CDC42EP1: variants seen among roughly 807,000 people sequenced by gnomAD.
CDC42EP1 encodes CDC42 effector protein 1.
Under a neutral mutation model 7.4 loss-of-function variants are expected in CDC42EP1, and 6 were observed. The ratio of observed to expected loss-of-function variants is 0.81; its 90% CI spans 0.44 to 1.60. The LOEUF (loss-of-function observed/expected upper bound fraction) is 1.60. Ranked by LOEUF, CDC42EP1 falls within the 40% of genes most tolerant of loss-of-function variation. The probability of loss-of-function intolerance (pLI) is 0.01; values close to 1 mark genes in which losing one functional copy is unlikely to be tolerated. For missense variants in CDC42EP1, 567 were observed against 539.0 expected (o/e 1.05, Z -0.51); for synonymous variants, 238 against 227.1 (o/e 1.05, Z -0.43).
Position 37,566,748 on chromosome 22 carries a change from C to T in CDC42EP1, c.399C>T (p.Leu133=), listed in dbSNP as rs774081807. The change falls in exon 2 of 3, where the codon CTC becomes CTT. Residue 133 remains leucine (L), a synonymous_variant. Coordinates refer to ENST00000249014, the MANE Select transcript of CDC42EP1 (RefSeq NM_152243.3). This position sits in a 1 kb window ranked among gnomAD's most constrained non-coding sequence, Gnocchi z 6.4. ...TCAACCAGGCCGCCTACGACAGCCT[C>T]GTGGTTGGCAAGCTCAGCTTCGACA... ...PQLNQAAYDS[L]VVGKLSFDSS... The T allele has an allele frequency of 4.4e-6, 7 of 1,605,170 alleles. No homozygotes were observed. The highest frequency in any genetic ancestry group is 2.7e-5 in the African/African-American group (2 of 74,734).
Position 37,566,950 on chromosome 22 carries a change from AG to A in CDC42EP1, c.463+143del, listed in dbSNP as rs1925271294. The A allele has an allele frequency of 1.1e-5, 6 of 568,342 alleles. No individual in the cohort carries two copies. The South Asian group carries it at 1.4e-4, about 14-fold the overall frequency. The allele number at this position is 568,342 out of a possible 1,614,324, so 35.2% of individuals were successfully genotyped here. A position where few individuals can be genotyped will look rare whatever the true frequency, so the allele number is the denominator to read the frequency against. The stretch of plus-strand genomic sequence containing the variant: ...CCCAGACCCCACATCATGGATGGGG[AG>A]GGGGTGCAGTGGTGGGAACAAGCTG... On this transcript the variant is annotated intron_variant, in intron 2 of 2. Coordinates refer to ENST00000249014, the MANE Select transcript of CDC42EP1 (RefSeq NM_152243.3). This position sits in a 1 kb window ranked among gnomAD's most constrained non-coding sequence, Gnocchi z 6.4.
At position 37,568,356 on chromosome 22, in the gene CDC42EP1, C is replaced by T. The variant is rs372840111; in HGVS notation, c.712C>T (p.Pro238Ser). 1.7e-5 allele frequency: 27 copies of T among 1,567,328 alleles called. No individual in the cohort carries two copies. The highest frequency in any genetic ancestry group is 1.6e-4 in the East Asian group (7 of 43,508). Reference sequence around the variant, plus strand: ...AAACCCCCCAGCCCCTACTGCAAACCCCACGGGTCCTGCTGCAAACCCCCC... The same window carrying T: ...AAACCCCCCAGCCCCTACTGCAAACTCCACGGGTCCTGCTGCAAACCCCCC... ...AANPPAPTAN[P>S]TGPAANPPAT... is the part of the protein sequence containing the mutation. The change falls in exon 3 of 3, where the codon CCC becomes TCC. Residue 238 changes from proline (P) to serine (S), a missense_variant. Transcript: ENST00000249014.
Position 37,568,676 on chromosome 22 carries a change from G to A in CDC42EP1, c.1032G>A (p.Leu344=). The stretch of plus-strand genomic sequence containing the variant: ...CGCGGCAGGAGCGGGTGGAGGTGCT[G>A]CCCCAAGCCCGGGCCTCCTGGGAGA... ...MDARQERVEV[L]PQARASWESL... The change falls in exon 3 of 3, where the codon CTG becomes CTA. Residue 344 remains leucine, a synonymous_variant. Coordinates refer to ENST00000249014, the MANE Select transcript of CDC42EP1 (RefSeq NM_152243.3). 6.5e-7 allele frequency: 1 copy of A among 1,546,112 alleles called. No individual in the cohort carries two copies. The highest frequency in any genetic ancestry group is 8.7e-7 in the Non-Finnish European group (1 of 1,146,050).
rs1039724351 is a variant in CDC42EP1 at position 37,569,108 on chromosome 22, G to A, written c.*288G>A. On this transcript the variant is annotated 3_prime_UTR_variant, in exon 3 of 3. Transcript: ENST00000249014. ...CCACCCCCACCAGCTGGAGGACCCA[G>A]CCTCACAGTGTGTCCTTTGTGCCAG... 3.5e-6 allele frequency: 1 copy of A among 289,792 alleles called. No homozygotes were observed. The highest frequency in any genetic ancestry group is 2.2e-5 in the African/African-American group (1 of 46,104). The allele number at this position is 289,792 out of a possible 1,614,324, so 18.0% of individuals were successfully genotyped here. A position where few individuals can be genotyped will look rare whatever the true frequency, so the allele number is the denominator to read the frequency against.
At chr22:37,564,044 A>G (rs5995464) in intron 1 of CDC42EP1, among the ~76,000 whole-genome samples, 14,802 of 152,292 alleles carry the variant, frequency 0.097, 817 homozygotes, top group African/African-American at 0.14. Context: ...AAGCCAGTCA[A>G]GGGCTTATGT....
At chr22:37,564,226 G>C (rs777516911) in intron 1 of CDC42EP1, among the ~76,000 whole-genome samples, 1 of 152,076 alleles carries the variant, frequency 6.6e-6, no homozygotes, top group African/African-American at 2.4e-5. Flanking sequence ...AGAGAAGCTG[G>C]AGCAGGGGAG....
chr22:37,561,755 CA>C (rs1351191590), intron 1 of CDC42EP1, among the ~76,000 whole-genome samples: 1 of 152,212 alleles, frequency 6.6e-6, no homozygotes, highest in Non-Finnish European at 1.5e-5. Context: ...TGCACCCGAG[CA>C]GTGGCCTCCA....
intron 1 of CDC42EP1, among the ~76,000 whole-genome samples, 180 bp from the exon 2 acceptor site, chr22:37,565,892 T>C (rs1301713871): frequency 6.6e-6 from 1 of 152,106 alleles, no homozygotes; most frequent in Non-Finnish European, 1.5e-5. Flanking sequence ...GTTCTTGAAC[T>C]TTCTATACAC....
chr22:37,568,572 C>T lies in CDC42EP1; in HGVS notation c.928C>T (p.Arg310Ter), dbSNP rs752982114. The T allele has an allele frequency of 1.1e-5, 17 of 1,603,440 alleles. No individual in the cohort carries two copies. The South Asian group carries it at 1.1e-4, about 11-fold the overall frequency. ...GTCCAGCCCAGTGGGAGGGGGTCCC[C>T]GAGGACCTGCTGGCCCTGCCCTCGG... The part of the protein sequence containing the change: ...VKSSPVGGGP[R>*]GPAGPALGRH... Residue 310 changes from arginine (R) to a stop codon, truncating the protein, a stop_gained, in exon 3 of 3, where the codon CGA becomes TGA. Coordinates refer to ENST00000249014, the MANE Select transcript of CDC42EP1 (RefSeq NM_152243.3). LOFTEE classifies it low-confidence loss of function (END_TRUNC).
chr22:37,566,713 C>T lies in CDC42EP1; in HGVS notation c.364C>T (p.Leu122=), dbSNP rs1925260991. ...CCCCATCATCAAGAACGCCATCTCC[C>T]TGCCCCAGCTCAACCAGGCCGCCTA... ...ISPIIKNAIS[L]PQLNQAAYDS... is the part of the protein sequence containing the mutation. The change falls in exon 2 of 3, where the codon CTG becomes TTG. Residue 122 remains leucine (L), a synonymous_variant. Transcript: ENST00000249014. This position sits in a 1 kb window ranked among gnomAD's most constrained non-coding sequence, Gnocchi z 6.4. The T allele has an allele frequency of 1.9e-6, 3 of 1,612,750 alleles. No individual in the cohort carries two copies. Among genetic ancestry groups the T allele is most frequent in the East Asian group, 4.5e-5 (2 of 44,744 alleles).
chr22:37,561,038 C>A (rs1189924394), intron 1 of CDC42EP1, among the ~76,000 whole-genome samples: 2 of 152,218 alleles, frequency 1.3e-5, no homozygotes, highest in African/African-American at 4.8e-5. Flanking sequence ...CCCTGCCCCC[C>A]TCCCCGACCG....
rs1925394412 is a variant in CDC42EP1, at chr22:37,569,159, G to C, written c.*339G>C. ...ACCAAGCGGCCCGTGGGGGGTGGGG[G>C]GCAGGGAGTGTACCACACAGGGCCA... On this transcript the variant is annotated 3_prime_UTR_variant, in exon 3 of 3. Transcript: ENST00000249014. The C allele has an allele frequency of 4.9e-6, 1 of 203,434 alleles. No individual in the cohort carries two copies. Among genetic ancestry groups the C allele is most frequent in the Admixed American group, 6.0e-5 (1 of 16,714 alleles). The allele number at this position is 203,434 out of a possible 1,614,324, so 12.6% of individuals were successfully genotyped here.
At chr22:37,561,674 T>A (rs1479863159) in intron 1 of CDC42EP1, among the ~76,000 whole-genome samples, 6 of 148,538 alleles carry the variant, frequency 4.0e-5, no homozygotes, top group African/African-American at 1.5e-4. Flanking sequence ...GCCGTAACCA[T>A]GACAGGGACC....
chr22:37,562,758 C>T (rs1463049141), intron 1 of CDC42EP1, among the ~76,000 whole-genome samples: 1 of 140,918 alleles, frequency 7.1e-6, no homozygotes, highest in Non-Finnish European at 1.6e-5. Context: ...TCAAAAGTGA[C>T]CATGGGGGTT....
intron 1 of CDC42EP1, among the ~76,000 whole-genome samples, chr22:37,560,885 G>A (rs1180461027): frequency 6.6e-6 from 1 of 152,058 alleles, no homozygotes; most frequent in African/African-American, 2.4e-5. Context: ...GGGCAGAGCG[G>A]GGGCTGTCTC....
At chr22:37,561,981 C>A (rs1479947260) in intron 1 of CDC42EP1, among the ~76,000 whole-genome samples, 2 of 152,208 alleles carry the variant, frequency 1.3e-5, no homozygotes, top group Non-Finnish European at 2.9e-5. Context: ...TGTGCCCAGG[C>A]CCTGACTATC....
At position 37,566,552 on chromosome 22, in the gene CDC42EP1, G is replaced by T; in HGVS notation, c.203G>T (p.Gly68Val). Residue 68 changes from glycine to valine, a missense_variant, in exon 2 of 3, where the codon GGT (glycine) becomes GTT (valine). Transcript: ENST00000249014. This position sits in a 1 kb window ranked among gnomAD's most constrained non-coding sequence, Gnocchi z 6.4. ...GACACGTCCTTCCTCAGCAACCACG[G>T]TGGCAGCTCCGGGAGCACCCATCGC... is the stretch of plus-strand genomic sequence containing the variant. ...FGDTSFLSNH[G>V]GSSGSTHRSP... 1 of 1,608,646 alleles carries T rather than the reference G, an allele frequency of 6.2e-7. No individual in the cohort carries two copies. The highest frequency in any genetic ancestry group is 1.3e-5 in the African/African-American group (1 of 74,946).
chr22:37,567,305 G>A (rs1925280736), intron 2 of CDC42EP1, among the ~76,000 whole-genome samples: 1 of 152,142 alleles, frequency 6.6e-6, no homozygotes, highest in Non-Finnish European at 1.5e-5. Flanking sequence ...GCGCAGGGGG[G>A]CTGATACTTA....
At position 37,566,512 on chromosome 22, in the gene CDC42EP1, G is replaced by A. The variant is rs752233975; in HGVS notation, c.163G>A (p.Gly55Arg). ...FRHTMHVGRG[G>R]DVFGDTSFLS... ...CCACACCATGCATGTGGGCCGTGGC[G>A]GGGATGTCTTCGGGGACACGTCCTT... Residue 55 changes from glycine (G) to arginine (R), a missense_variant, in exon 2 of 3, where the codon GGG (glycine) becomes AGG (arginine). Coordinates refer to ENST00000249014, the MANE Select transcript of CDC42EP1 (RefSeq NM_152243.3). This position sits in a 1 kb window ranked among gnomAD's most constrained non-coding sequence, Gnocchi z 6.4. 27 of 1,612,160 alleles carry A rather than the reference G, an allele frequency of 1.7e-5. No homozygotes were observed. Among genetic ancestry groups the A allele is most frequent in the Non-Finnish European group, 2.0e-5 (23 of 1,178,854 alleles).
Sources: allele counts gnomAD v4.1 joint callset (sites outside exome capture counted in the v4.1 genomes callset), GRCh38; gene constraint gnomAD v4.1.1; non-coding constraint Gnocchi (gnomAD v3.1); transcripts MANE v1.5; gene names NCBI Gene and HGNC (gene_info 2026-07-23, HGNC 2026-07-21).